DNAH9: variants seen among roughly 807,000 people sequenced by gnomAD.
DNAH9 encodes dynein axonemal heavy chain 9.
In DNAH9, 345 loss-of-function variants were observed where a neutral mutation model predicts 471.6. The ratio of observed to expected loss-of-function variants is 0.73; its 90% CI spans 0.67 to 0.80. The LOEUF is 0.80. Among genes scored for constraint, DNAH9 ranks in the 30% least tolerant of loss-of-function variants. DNAH9 has a pLI of 0.00. For missense variants in DNAH9, 5,407 were observed against 5,609.2 expected, an observed-to-expected ratio of 0.96 and a Z score of 1.15; for synonymous variants, 2,093 against 2,123.6, an observed-to-expected ratio of 0.99 and a Z score of 0.40.
At chr17:11,613,688 T>C (rs1027601358) in intron 4 of DNAH9, among the ~76,000 whole-genome samples, 3 of 152,224 alleles carry the variant, frequency 2.0e-5, no homozygotes, top group African/African-American at 4.8e-5. Flanking sequence ...ATGGTAGTGA[T>C]TTACAGTTTT....
chr17:11,851,033 TAAG>T (rs575244214), intron 49 of DNAH9, among the ~76,000 whole-genome samples: 1 of 152,272 alleles, frequency 6.6e-6, no homozygotes, highest in South Asian at 2.1e-4. Flanking sequence ...GGGAAATGAC[TAAG>T]AAGGGGAGGT....
At chr17:11,796,120 T>G (rs1301549627) in intron 42 of DNAH9, among the ~76,000 whole-genome samples, 1 of 152,242 alleles carries the variant, frequency 6.6e-6, no homozygotes, top group East Asian at 1.9e-4. Context: ...ACTTGTTTTG[T>G]TCCTCAAAGA....
At position 11,690,304 on chromosome 17, in the gene DNAH9, G is replaced by A. The variant is rs749654048; in HGVS notation, c.4482G>A (p.Glu1494=). 7 of 1,614,156 alleles carry A rather than the reference G, an allele frequency of 4.3e-6. No individual in the cohort carries two copies. The highest frequency in any genetic ancestry group is 5.9e-6 in the Non-Finnish European group (7 of 1,180,022). ...AGTATGTTGCTTTCTTCTTGGAGGA[G>A]GTGTCGGGCTGGCAGAAGAAGCTGT... ...MSKYVAFFLE[E]VSGWQKKLST... Residue 1494 remains glutamate, a synonymous_variant, in exon 20 of 69, where the codon GAG becomes GAA. Coordinates refer to ENST00000262442, the MANE Select transcript of DNAH9 (RefSeq NM_001372.4).
At chr17:11,774,258 C>T (rs540467229) in intron 38 of DNAH9, among the ~76,000 whole-genome samples, 7 of 151,826 alleles carry the variant, frequency 4.6e-5, no homozygotes, top group Non-Finnish European at 1.0e-4. Context: ...TACAAGTTTA[C>T]ACTCTTGAAA....
chr17:11,737,368 C>A (rs1260703207), intron 28 of DNAH9, among the ~76,000 whole-genome samples: 1 of 150,410 alleles, frequency 6.6e-6, no homozygotes. Context: ...ACCCTACAGC[C>A]CCATTTCCAC....
chr17:11,610,046 T>G (rs1251789641), intron 2 of DNAH9, among the ~76,000 whole-genome samples: 2 of 152,200 alleles, frequency 1.3e-5, no homozygotes, highest in African/African-American at 4.8e-5. Flanking sequence ...AAGCATTGGG[T>G]GGTCATCTGA....
At chr17:11,772,822 C>T (rs750201587) in intron 38 of DNAH9, among the ~76,000 whole-genome samples, 14 of 152,214 alleles carry the variant, frequency 9.2e-5, no homozygotes, top group Middle Eastern at 3.2e-3. Context: ...ATTGGGGAGT[C>T]AGCCGAAGCC....
rs1447674937 is a variant in DNAH9, at chr17:11,947,784, T to A, written c.12843+5299T>A. Among the ~76,000 whole-genome samples, 12 of 141,524 alleles carry A rather than the reference T, an allele frequency of 8.5e-5. No individual in the cohort carries two copies. The Admixed American group carries it at 8.5e-4, about 10-fold the overall frequency. 92.8% of individuals were successfully genotyped at this position (141,524 alleles called of 152,430 possible). ...GGGGCTGGGAACTATTTTTTTTTTT[T>A]TTTTTTTTTTTTTTTGAGACAGAGT... On this transcript the variant is annotated intron_variant, in intron 67 of 68. Transcript: ENST00000262442.
At chr17:11,945,229 A>G (rs895662823) in intron 67 of DNAH9, among the ~76,000 whole-genome samples, 1 of 152,114 alleles carries the variant, frequency 6.6e-6, no homozygotes, top group African/African-American at 2.4e-5. Context: ...TTCCTTCCTC[A>G]CTTTCTTAGT....
In DNAH9 at chr17:11,719,564, G is replaced by A. The variant is rs565956549; in HGVS notation, c.5709+74G>A. 2.5e-5 allele frequency: 36 copies of A among 1,417,806 alleles called. No individual in the cohort carries two copies. The East Asian group carries it at 3.2e-4, about 13-fold the overall frequency. 87.8% of individuals were successfully genotyped at this position (1,417,806 alleles called of 1,614,324 possible). A position where few individuals can be genotyped will look rare whatever the true frequency, so the allele number is the denominator to read the frequency against. ...CAGGGCACCAAATCAAGGCTAAGAC[G>A]CATCCGTGCCACCCTGACCCAGCTT... On this transcript the variant is annotated intron_variant, in intron 27 of 68. Coordinates refer to ENST00000262442, the MANE Select transcript of DNAH9 (RefSeq NM_001372.4).
In DNAH9 at chr17:11,784,914, T is replaced by C. The variant is rs140482017; in HGVS notation, c.8061+375T>C. ...TTGGATCTCCCATTGGTACACCTAT[T>C]GATCTCGGGATGAAAAAGAGTGTTC... is the stretch of plus-strand genomic sequence containing the variant. On this transcript the variant is annotated intron_variant, in intron 41 of 68. Coordinates refer to ENST00000262442, the MANE Select transcript of DNAH9 (RefSeq NM_001372.4). Among the ~76,000 whole-genome samples the C allele has an allele frequency of 7.3e-4, 111 of 152,180 alleles. 3 individuals carry two copies. In the East Asian group the frequency reaches 0.021, roughly 28 times the overall value.
In DNAH9 at chr17:11,643,041, C is replaced by T. The variant is rs75179974; in HGVS notation, c.1902-1590C>T. Among the ~76,000 whole-genome samples the T allele has an allele frequency of 7.1e-3, 1,080 of 152,334 alleles. 19 individuals carry two copies. The highest frequency in any genetic ancestry group is 0.025 in the African/African-American group (1,026 of 41,572). On this transcript the variant is annotated intron_variant, in intron 10 of 68. Coordinates refer to ENST00000262442, the MANE Select transcript of DNAH9 (RefSeq NM_001372.4). ...TTAAGGAATCTCTGCAGTAAGCTGC[C>T]TCATTTTGCCAGCAGGTCAAATAGA...
In DNAH9 at chr17:11,937,507, C is replaced by T; in HGVS notation, c.12645C>T (p.Ala4215=). ...GCCAGGCCAGAGACGGAGCGGGCGC[C>T]ACAAGAGAAGAAAAGGTGTGTGTGG... ...RDSQARDGAG[A]TREEKVKALL... is the part of the protein sequence containing the mutation. Residue 4215 remains alanine (A), a synonymous_variant, in exon 66 of 69, where the codon GCC becomes GCT. Coordinates refer to ENST00000262442, the MANE Select transcript of DNAH9 (RefSeq NM_001372.4). The surrounding 1 kb of genome is among the most constrained non-coding windows in gnomAD (Gnocchi z 4.1). The T allele has an allele frequency of 6.2e-7, 1 of 1,612,316 alleles. No homozygotes were observed. Among genetic ancestry groups the T allele is most frequent in the South Asian group, 1.1e-5 (1 of 90,934 alleles).
At chr17:11,699,210 C>T (rs751346634) in intron 22 of DNAH9, among the ~76,000 whole-genome samples, 59 of 152,240 alleles carry the variant, frequency 3.9e-4, no homozygotes, top group Non-Finnish European at 7.2e-4. Context: ...GATTGCGCCA[C>T]TGCACTCCAG....
intron 14 of DNAH9, among the ~76,000 whole-genome samples, chr17:11,663,838 G>A (rs1228449683): frequency 6.6e-6 from 1 of 152,196 alleles, no homozygotes; most frequent in Non-Finnish European, 1.5e-5. Flanking sequence ...TCTTGTCACT[G>A]TGTTGTGATT....
At chr17:11,906,282 G>A (rs1973593207) in intron 61 of DNAH9, among the ~76,000 whole-genome samples, 1 of 152,162 alleles carries the variant, frequency 6.6e-6, no homozygotes, top group African/African-American at 2.4e-5. Context: ...ATTCACAATA[G>A]TAAAGACATG....
intron 4 of DNAH9, chr17:11,611,989 C>T: frequency 1.6e-6 from 1 of 613,954 alleles, no homozygotes; most frequent in Non-Finnish European, 2.9e-6. Context: ...TGCTGTATGG[C>T]CTGGGAAAAT....
chr17:11,610,247 C>A, intron 2 of DNAH9, 149 bp from the exon 3 acceptor site: 1 of 600,648 alleles, frequency 1.7e-6, no homozygotes, highest in Non-Finnish European at 2.8e-6. Context: ...GACTGTTATC[C>A]AAAAAAGTTA....
At chr17:11,812,054 T>TGC (rs1555601142) in intron 45 of DNAH9, among the ~76,000 whole-genome samples, 1 of 47,344 alleles carries the variant, frequency 2.1e-5, no homozygotes, top group Non-Finnish European at 5.0e-5. Flanking sequence ...TATATATATA[T>TGC]ACACATACAT....
Sources: allele counts gnomAD v4.1 joint callset (sites outside exome capture counted in the v4.1 genomes callset), GRCh38; gene constraint gnomAD v4.1.1; non-coding constraint Gnocchi (gnomAD v3.1); transcripts MANE v1.5; gene names NCBI Gene and HGNC (gene_info 2026-07-23, HGNC 2026-07-21).